DCC: variants seen among roughly 807,000 people sequenced by gnomAD.
DCC encodes netrin receptor DCC.
Under a neutral mutation model 172.5 loss-of-function variants are expected in DCC, and 58 were observed. The observed-to-expected ratio is 0.34, with a 90% CI of 0.27 to 0.42. The LOEUF (loss-of-function observed/expected upper bound fraction) is 0.42. DCC is among the 10% of genes least tolerant of loss of function. The pLI is 1.00. For synonymous variants in DCC, 709 were observed against 644.5 expected, an observed-to-expected ratio of 1.10 and a Z score of -1.52; for missense variants, 1,740 against 1,791.0, an observed-to-expected ratio of 0.97 and a Z score of 0.51.
chr18:52,708,423 T>A (rs1193197694), intron 1 of DCC, among the ~76,000 whole-genome samples: 1 of 133,234 alleles, frequency 7.5e-6, no homozygotes, highest in Non-Finnish European at 1.6e-5. Flanking sequence ...GCCTGGGCAA[T>A]AGAGCGAGAC....
intron 1 of DCC, among the ~76,000 whole-genome samples, chr18:52,349,610 T>G (rs1356406442): frequency 6.6e-6 from 1 of 152,168 alleles, no homozygotes; most frequent in East Asian, 1.9e-4. Context: ...TGTTAAAAGT[T>G]TATTTTACAA....
At chr18:52,459,181 C>A (rs1210177804) in intron 1 of DCC, among the ~76,000 whole-genome samples, 4 of 151,986 alleles carry the variant, frequency 2.6e-5, no homozygotes, top group Non-Finnish European at 5.9e-5. Context: ...GTTGTCATTT[C>A]TTTTCTTTAG....
At chr18:53,062,068 A>G (rs1459933586) in intron 5 of DCC, among the ~76,000 whole-genome samples, 1 of 152,090 alleles carries the variant, frequency 6.6e-6, no homozygotes, top group African/African-American at 2.4e-5. Context: ...CCTTATACTA[A>G]TATCATCAAT....
intron 5 of DCC, among the ~76,000 whole-genome samples, chr18:53,061,152 G>A (rs1258586530): frequency 6.6e-6 from 1 of 152,058 alleles, no homozygotes; most frequent in African/African-American, 2.4e-5. Flanking sequence ...TATAGATGAG[G>A]ATAGTAACAG....
chr18:53,449,610 G>C (rs1397622061), intron 22 of DCC, among the ~76,000 whole-genome samples: 11 of 152,160 alleles, frequency 7.2e-5, no homozygotes, highest in Non-Finnish European at 1.5e-5. Context: ...GTCTTTTACA[G>C]CATCAAATAG....
rs972508196 is a variant in DCC, at chr18:53,510,458, G to A, written c.4111+10948G>A. ...AATTGTATTCTATAATTTCCCAGAA[G>A]ATATTATCATAAATCATTTATTGGG... On this transcript the variant is annotated intron_variant, in intron 27 of 28. Coordinates refer to ENST00000442544, the MANE Select transcript of DCC (RefSeq NM_005215.4). Among the ~76,000 whole-genome samples the A allele has an allele frequency of 2.0e-5, 3 of 152,166 alleles. No individual in the cohort carries two copies. The East Asian group carries it at 5.8e-4, about 29-fold the overall frequency.
chr18:52,732,788 C>A (rs1350408229), intron 1 of DCC, among the ~76,000 whole-genome samples: 3 of 152,080 alleles, frequency 2.0e-5, no homozygotes, highest in African/African-American at 7.2e-5. Context: ...TAACAATAAT[C>A]AGGTAGTTGG....
intron 1 of DCC, among the ~76,000 whole-genome samples, chr18:52,553,681 A>T (rs1009099641): frequency 6.6e-6 from 1 of 152,016 alleles, no homozygotes. Context: ...CAGTGTAAGG[A>T]GGGCAATTAT....
At chr18:53,292,897 G>A (rs1254704997) in intron 12 of DCC, among the ~76,000 whole-genome samples, 1 of 152,112 alleles carries the variant, frequency 6.6e-6, no homozygotes, top group Admixed American at 6.5e-5. Context: ...TGAGGCCAAA[G>A]TGACTTGATT....
intron 8 of DCC, among the ~76,000 whole-genome samples, chr18:53,178,690 TAA>T (rs2055146766): frequency 1.3e-5 from 2 of 152,316 alleles, no homozygotes; most frequent in South Asian, 4.1e-4. Context: ...TTCCAAATTG[TAA>T]AGTGTCGAGG....
chr18:52,613,988 G>T (rs1365542634), intron 1 of DCC, among the ~76,000 whole-genome samples: 1 of 152,160 alleles, frequency 6.6e-6, no homozygotes, highest in Non-Finnish European at 1.5e-5. Context: ...TGGTGTTTGT[G>T]CCGGGATGTT....
chr18:53,060,950 G>A (rs1468044110), intron 5 of DCC, among the ~76,000 whole-genome samples: 2 of 152,018 alleles, frequency 1.3e-5, no homozygotes, highest in Non-Finnish European at 2.9e-5. Context: ...TTGAAAAAAA[G>A]CAAGAGGCTA....
chr18:52,877,600 T>C (rs1439923772), intron 2 of DCC, among the ~76,000 whole-genome samples: 1 of 151,714 alleles, frequency 6.6e-6, no homozygotes, highest in African/African-American at 2.4e-5. Flanking sequence ...CCAGGTACTT[T>C]GGAGGTTGAG....
In DCC at chr18:52,802,643, CTTTTTTTTTTTTTTTTTTTTTTTT is replaced by C. The variant is rs776080029; in HGVS notation, c.412+50286_412+50309del. Among the ~76,000 whole-genome samples the C allele has an allele frequency of 3.1e-4, 12 of 38,204 alleles. 1 individual carries two copies. The East Asian group carries it at 4.9e-3, about 16-fold the overall frequency. The allele number at this position is 38,204 out of a possible 152,430, so 25.1% of individuals were successfully genotyped here. A position where few individuals can be genotyped will look rare whatever the true frequency, so the allele number is the denominator to read the frequency against. ...ACAGGTACACATCACCACGCCAAGC[CTTTTTTTTTTTTTTTTTTTTTTTT>C]TTTTTTTTTTTTTTTTAATGGAGAC... On this transcript the variant is annotated intron_variant, in intron 2 of 28. Transcript: ENST00000442544.
rs145278270 is a variant in DCC at position 53,445,648 on chromosome 18, A to G, written c.3230-4852A>G. ...TAAAACATTTTTGACAGTCTATAAAATTTTTATAAAAACAAGTTACTTCAA... is the reference window on the plus strand; with the variant it reads ...TAAAACATTTTTGACAGTCTATAAAGTTTTTATAAAAACAAGTTACTTCAA... On this transcript the variant is annotated intron_variant, in intron 22 of 28. Coordinates refer to ENST00000442544, the MANE Select transcript of DCC (RefSeq NM_005215.4). 4.6e-5 allele frequency among the ~76,000 whole-genome samples: 7 copies of G among 152,334 alleles called. No homozygotes were observed. The East Asian group carries it at 9.6e-4, about 21-fold the overall frequency.
At chr18:53,188,129 A>G (rs1332841782) in intron 9 of DCC, among the ~76,000 whole-genome samples, 3 of 152,322 alleles carry the variant, frequency 2.0e-5, no homozygotes, top group African/African-American at 7.2e-5. Flanking sequence ...GCCCTGAAAC[A>G]TAATTTTAAA....
At chr18:52,581,433 A>G (rs1568239466) in intron 1 of DCC, among the ~76,000 whole-genome samples, 2 of 152,204 alleles carry the variant, frequency 1.3e-5, no homozygotes, top group Non-Finnish European at 1.5e-5. Flanking sequence ...AGAGATTATT[A>G]TATTTATTTT....
intron 1 of DCC, among the ~76,000 whole-genome samples, chr18:52,418,947 G>T (rs1987149195): frequency 7.1e-6 from 1 of 139,920 alleles, no homozygotes; most frequent in African/African-American, 2.7e-5. Flanking sequence ...TGCAACCTCT[G>T]CCTCCTAGGT....
chr18:52,960,985 A>G (rs2040832986), intron 5 of DCC, among the ~76,000 whole-genome samples: 2 of 152,164 alleles, frequency 1.3e-5, no homozygotes, highest in African/African-American at 4.8e-5. Flanking sequence ...TCCTATAATC[A>G]GGACCAATAG....
Sources: allele counts gnomAD v4.1 joint callset (sites outside exome capture counted in the v4.1 genomes callset), GRCh38; gene constraint gnomAD v4.1.1; transcripts MANE v1.5; gene names NCBI Gene and HGNC (gene_info 2026-07-23, HGNC 2026-07-21).